Variants in MICU3 observed in about 807,000 individuals in gnomAD.
The protein encoded by MICU3 is mitochondrial calcium uptake 3.
MICU3 carries 62 observed loss-of-function variants against 66.5 expected under a neutral mutation model. The ratio of observed to expected loss-of-function variants is 0.93; its 90% confidence interval spans 0.76 to 1.15. MICU3 has a LOEUF of 1.15. Ranked by LOEUF, MICU3 falls within the 50% of genes most tolerant of loss-of-function variation. MICU3 has a pLI of 0.00. For synonymous variants in MICU3, 308 were observed against 240.7 expected (o/e 1.28, Z -2.59); for missense variants, 779 against 664.4 (o/e 1.17, Z -1.90).
chr8:17,052,357 A>G (rs1816241664), intron 1 of MICU3, among the ~76,000 whole-genome samples: 1 of 152,188 alleles, frequency 6.6e-6, no homozygotes, highest in East Asian at 1.9e-4. Flanking sequence ...TGTGTCAAGA[A>G]CATTTCAAAT....
chr8:17,073,892 G>A (rs567100947), intron 3 of MICU3, among the ~76,000 whole-genome samples: 1 of 152,052 alleles, frequency 6.6e-6, no homozygotes, highest in South Asian at 2.1e-4. Context: ...TGAGTAAAAG[G>A]GCAAGTTGCA....
intron 3 of MICU3, among the ~76,000 whole-genome samples, chr8:17,071,941 A>C (rs1819644669): frequency 6.6e-6 from 1 of 152,182 alleles, no homozygotes. Context: ...TACTGGTAAT[A>C]AGCCATTTCC....
intron 3 of MICU3, among the ~76,000 whole-genome samples, chr8:17,072,780 G>T (rs1427536655): frequency 6.6e-6 from 1 of 152,124 alleles, no homozygotes; most frequent in African/African-American, 2.4e-5. Flanking sequence ...CCAATGATAC[G>T]ATACTATTTG....
At chr8:17,069,637 A>T (rs1299211195) in intron 2 of MICU3, 51 bp from the exon 3 acceptor site, 3 of 1,155,062 alleles carry the variant, frequency 2.6e-6, no homozygotes, top group Non-Finnish European at 3.8e-6. Context: ...ATATGGATAT[A>T]TATTCCATGA....
intron 3 of MICU3, among the ~76,000 whole-genome samples, chr8:17,074,135 C>T (rs1404630559): frequency 2.0e-5 from 3 of 151,684 alleles, no homozygotes; most frequent in Non-Finnish European, 4.4e-5. Flanking sequence ...ATCCGCCCGC[C>T]TCGGCCTCCC....
chr8:17,056,148 A>G (rs1816886168), intron 1 of MICU3, among the ~76,000 whole-genome samples: 1 of 152,180 alleles, frequency 6.6e-6, no homozygotes, highest in Non-Finnish European at 1.5e-5. Context: ...TTCCTATCTT[A>G]GAAGGTCACT....
intron 1 of MICU3, among the ~76,000 whole-genome samples, chr8:17,033,554 A>G (rs1030791359): frequency 1.3e-5 from 2 of 152,074 alleles, no homozygotes; most frequent in South Asian, 4.2e-4. Flanking sequence ...CTTCTGCCTC[A>G]GCCTCCCGAG....
chr8:17,098,397 A>G (rs1800950860), intron 8 of MICU3, 61 bp from the exon 9 acceptor site: 4 of 1,091,238 alleles, frequency 3.7e-6, no homozygotes. Context: ...TAAAGTGTAT[A>G]AATTATCATT....
Position 17,058,251 on chromosome 8 carries a change from A to T in MICU3, c.382-5833A>T, listed in dbSNP as rs571914309. Reference sequence around the variant, plus strand: ...TTGGTTGATTTTAGTAGGATTTTTAAATTGGAAATTAACCTTTAAAAGATA... The same window carrying T: ...TTGGTTGATTTTAGTAGGATTTTTATATTGGAAATTAACCTTTAAAAGATA... On this transcript the variant is annotated intron_variant, in intron 1 of 14. Transcript: ENST00000318063. 5.9e-5 allele frequency among the ~76,000 whole-genome samples: 9 copies of T among 152,320 alleles called. No homozygotes were observed. The South Asian group carries it at 1.9e-3, about 32-fold the overall frequency.
intron 1 of MICU3, among the ~76,000 whole-genome samples, chr8:17,062,393 A>G (rs920782714): frequency 6.6e-6 from 1 of 152,112 alleles, no homozygotes; most frequent in African/African-American, 2.4e-5. Context: ...CAGACACCAC[A>G]ACTTCCATTT....
At position 17,049,362 on chromosome 8, in the gene MICU3, T is replaced by G. The variant is rs558481321; in HGVS notation, c.382-14722T>G. Among the ~76,000 whole-genome samples the G allele has an allele frequency of 2.6e-5, 4 of 152,294 alleles. No individual in the cohort carries two copies. The South Asian group carries it at 6.2e-4, about 24-fold the overall frequency. ...AGAGGTTCTAGATATTTATAAACTT[T>G]GTGCCTGGAGTTGAGTAGCCAAACA... is the stretch of plus-strand genomic sequence containing the variant. On this transcript the variant is annotated intron_variant, in intron 1 of 14. Transcript: ENST00000318063.
chr8:17,091,252 T>C (rs908159230), intron 8 of MICU3, among the ~76,000 whole-genome samples: 6 of 152,090 alleles, frequency 3.9e-5, no homozygotes, highest in Admixed American at 1.3e-4. Flanking sequence ...TCTTTTCTCC[T>C]GAGAAAGTCA....
chr8:17,066,008 G>A (rs374710157), intron 2 of MICU3, among the ~76,000 whole-genome samples: 2 of 151,644 alleles, frequency 1.3e-5, no homozygotes, highest in African/African-American at 4.8e-5. Flanking sequence ...TATAGTCATA[G>A]TAGCCACTTT....
chr8:17,027,593 C>G lies in MICU3; in HGVS notation c.314C>G (p.Thr105Arg), dbSNP rs950882637. 1.3e-5 allele frequency: 17 copies of G among 1,297,946 alleles called. No homozygotes were observed. In the Admixed American group the frequency reaches 1.6e-4, roughly 12 times the overall value. 80.4% of individuals were successfully genotyped at this position (1,297,946 alleles called of 1,614,324 possible). A position where few individuals can be genotyped will look rare whatever the true frequency, so the allele number is the denominator to read the frequency against. ...ATGRPSKSAATEPEDPPRGRG... is the reference protein window; with the variant it reads ...ATGRPSKSAAREPEDPPRGRG... ...GGGCGACCCTCAAAGAGCGCGGCCA[C>G]GGAGCCCGAGGACCCGCCCCGCGGC... Residue 105 changes from threonine to arginine, a missense_variant, in exon 1 of 15, where the codon ACG becomes AGG. Coordinates refer to ENST00000318063, the MANE Select transcript of MICU3 (RefSeq NM_181723.3).
At chr8:17,084,416 T>C (rs934676076) in intron 5 of MICU3, among the ~76,000 whole-genome samples, 4 of 152,082 alleles carry the variant, frequency 2.6e-5, no homozygotes, top group Non-Finnish European at 4.4e-5. Context: ...GTGCCTCTTT[T>C]GCAGGTTCAA....
chr8:17,108,678 G>C (rs1464976044), intron 11 of MICU3, among the ~76,000 whole-genome samples: 2 of 152,180 alleles, frequency 1.3e-5, no homozygotes, highest in African/African-American at 2.4e-5. Context: ...CTTGCCTGGA[G>C]TGTTGGAATT....
chr8:17,037,118 G>T (rs1335158513), intron 1 of MICU3, among the ~76,000 whole-genome samples: 2 of 152,186 alleles, frequency 1.3e-5, no homozygotes, highest in Admixed American at 6.5e-5. Flanking sequence ...CGACTGCGGG[G>T]CCTGCCAAGC....
chr8:17,036,499 G>C (rs552906411), intron 1 of MICU3, among the ~76,000 whole-genome samples: 2 of 152,176 alleles, frequency 1.3e-5, no homozygotes, highest in African/African-American at 4.8e-5. Context: ...GTTTTGTCAG[G>C]GTGCTGATTG....
intron 11 of MICU3, among the ~76,000 whole-genome samples, chr8:17,106,970 C>T (rs923187835): frequency 1.3e-5 from 2 of 152,066 alleles, no homozygotes; most frequent in African/African-American, 2.4e-5. Context: ...CTCCTTCTCT[C>T]CAGAAGAATA....
Sources: gnomAD v4.1 joint callset for allele counts (sites outside exome capture counted in the v4.1 genomes callset) on GRCh38, gnomAD v4.1.1 for gene constraint, MANE v1.5 for transcripts, NCBI Gene and HGNC (gene_info 2026-07-23, HGNC 2026-07-21) for gene names.